MYO1B: variants seen among roughly 807,000 people sequenced by gnomAD.
The protein encoded by MYO1B is myosin IB, also known as unconventional myosin-Ib.
A neutral mutation model predicts 159.7 loss-of-function variants in MYO1B; 72 were observed. That is an observed-to-expected ratio of 0.45 (90% CI 0.37 to 0.55). The LOEUF is 0.55. Among genes scored for constraint, MYO1B ranks in the 20% least tolerant of loss-of-function variants. The probability of loss-of-function intolerance (pLI) is 0.00; values close to 1 mark genes in which losing one functional copy is unlikely to be tolerated. For synonymous variants in MYO1B, 468 were observed against 473.8 expected, an observed-to-expected ratio of 0.99 and a Z score of 0.16; for missense variants, 1,062 against 1,364.8, an observed-to-expected ratio of 0.78 and a Z score of 3.50.
At chr2:191,403,544 A>G (rs1314169881) in intron 24 of MYO1B, among the ~76,000 whole-genome samples, 1 of 152,108 alleles carries the variant, frequency 6.6e-6, no homozygotes, top group Non-Finnish European at 1.5e-5. Context: ...TTTTACTTTA[A>G]TCCTATGACA....
intron 3 of MYO1B, among the ~76,000 whole-genome samples, chr2:191,304,172 C>T (rs1019440217): frequency 9.9e-5 from 15 of 152,190 alleles, no homozygotes; most frequent in African/African-American, 2.4e-4. Flanking sequence ...CATCTCTGGG[C>T]GTCGCACCTA....
rs140008875 is a variant in MYO1B at position 191,377,964 on chromosome 2, T to G, written c.1186-3498T>G. On this transcript the variant is annotated intron_variant, in intron 13 of 30. Transcript: ENST00000392318. ...ATTTCTGTGGGGAAGTAAGTTAATT[T>G]CTACATCGGTGATTGTGCTATTCTA... 2.6e-5 allele frequency: 4 copies of G among 152,318 alleles called. No individual in the cohort carries two copies. The East Asian group carries it at 7.7e-4, about 29-fold the overall frequency. 9.4% of individuals were successfully genotyped at this position (152,318 alleles called of 1,614,324 possible).
chr2:191,300,829 CT>C (rs930725887), intron 3 of MYO1B, among the ~76,000 whole-genome samples: 3 of 151,736 alleles, frequency 2.0e-5, no homozygotes, highest in African/African-American at 4.8e-5. Context: ...CATCCAGATA[CT>C]TTTGTAATTC....
At position 191,402,639 on chromosome 2, in the gene MYO1B, G is replaced by A; in HGVS notation, c.2477G>A (p.Arg826Lys). The stretch of plus-strand genomic sequence containing the variant: ...CTATCTAAAACATTCTAGGCTCGAA[G>A]GGAATTGAAACGCTTGAAGGAGGAG... The part of the protein sequence containing the change: ...WAYWLGSKAR[R>K]ELKRLKEEAR... Residue 826 changes from arginine (R) to lysine (K), a missense_variant, in exon 24 of 31, where the codon AGG becomes AAG. Physicochemically the swap from Arg to Lys is conservative, Grantham distance 26. Coordinates refer to ENST00000392318, the MANE Select transcript of MYO1B (RefSeq NM_001130158.3). 1.2e-6 allele frequency: 2 copies of A among 1,613,626 alleles called. No individual in the cohort carries two copies. The highest frequency in any genetic ancestry group is 1.7e-6 in the Non-Finnish European group (2 of 1,179,732).
At chr2:191,418,133 C>T (rs1299972166) in intron 30 of MYO1B, among the ~76,000 whole-genome samples, 1 of 152,210 alleles carries the variant, frequency 6.6e-6, no homozygotes, top group Non-Finnish European at 1.5e-5. Flanking sequence ...TCATAGGACT[C>T]TACATAGCAC....
chr2:191,353,134 A>C lies in MYO1B; in HGVS notation c.562+2909A>C, dbSNP rs201373295. Among the ~76,000 whole-genome samples the C allele has an allele frequency of 1.8e-4, 27 of 152,316 alleles. No individual in the cohort carries two copies. In the East Asian group the frequency reaches 4.8e-3, roughly 27 times the overall value. On this transcript the variant is annotated intron_variant, in intron 7 of 30. Coordinates refer to ENST00000392318, the MANE Select transcript of MYO1B (RefSeq NM_001130158.3). Reference sequence around the variant, plus strand: ...TTGAAAACTACATATCCCTGAGGTTAGTGTCATTAAGAGAGGTATTAAAAT... The same window carrying C: ...TTGAAAACTACATATCCCTGAGGTTCGTGTCATTAAGAGAGGTATTAAAAT...
chr2:191,275,720 T>C (rs191776546), intron 1 of MYO1B, among the ~76,000 whole-genome samples: 2 of 152,370 alleles, frequency 1.3e-5, no homozygotes, highest in East Asian at 3.9e-4. Context: ...GAAGTGTGAT[T>C]GAGTATCAGC....
At chr2:191,346,212 A>C (rs1447323383) in intron 5 of MYO1B, 24 bp from the exon 6 acceptor site, 1 of 1,527,592 alleles carries the variant, frequency 6.5e-7, no homozygotes, top group Admixed American at 2.0e-5. Context: ...TTTTTTAACC[A>C]TACATCTGTT....
intron 1 of MYO1B, among the ~76,000 whole-genome samples, chr2:191,272,732 TCTCTA>T (rs1466297139): frequency 6.6e-6 from 1 of 152,182 alleles, no homozygotes; most frequent in Non-Finnish European, 1.5e-5. Context: ...TTTTTCAAAT[TCTCTA>T]ATGCCACAGG....
chr2:191,374,106 C>T (rs1694550120), intron 13 of MYO1B, among the ~76,000 whole-genome samples: 1 of 152,108 alleles, frequency 6.6e-6, no homozygotes. Context: ...AGATGCCAGC[C>T]TATATTTTCC....
intron 30 of MYO1B, among the ~76,000 whole-genome samples, chr2:191,417,388 G>A (rs1170567305): frequency 6.6e-6 from 1 of 152,136 alleles, no homozygotes; most frequent in Admixed American, 6.5e-5. Flanking sequence ...TGGTTGGTGT[G>A]TTTCAGTTAA....
At chr2:191,306,590 G>A (rs565216058) in intron 3 of MYO1B, among the ~76,000 whole-genome samples, 12 of 152,226 alleles carry the variant, frequency 7.9e-5, no homozygotes, top group African/African-American at 2.6e-4. Context: ...TTGCAGTAAG[G>A]GACAAGGACA....
At chr2:191,361,048 A>G (rs990331414) in intron 8 of MYO1B, among the ~76,000 whole-genome samples, 1 of 152,152 alleles carries the variant, frequency 6.6e-6, no homozygotes, top group Non-Finnish European at 1.5e-5. Context: ...ATTTGCTTCT[A>G]CCACACCCCA....
chr2:191,358,874 A>G (rs909301892), intron 7 of MYO1B, among the ~76,000 whole-genome samples: 11 of 152,254 alleles, frequency 7.2e-5, no homozygotes, highest in African/African-American at 2.7e-4. Flanking sequence ...GTGGAAGGTC[A>G]TCACGTGTCC....
chr2:191,270,346 C>T (rs112940854), intron 1 of MYO1B, among the ~76,000 whole-genome samples: 2,051 of 152,202 alleles, frequency 0.013, 58 homozygotes, highest in African/African-American at 0.047. Context: ...CTATAGTGAA[C>T]ATGTATTACT....
intron 30 of MYO1B, among the ~76,000 whole-genome samples, chr2:191,423,288 TGTAACACAATG>T (rs1698057851): frequency 6.6e-6 from 1 of 152,214 alleles, no homozygotes; most frequent in African/African-American, 2.4e-5. Context: ...TGTAGGCAAT[TGTAACACAATG>T]GTAAATAGTT....
In MYO1B at chr2:191,411,097, A is replaced by G. The variant is rs1165610186; in HGVS notation, c.2798A>G (p.Gln933Arg). The G allele has an allele frequency of 6.2e-7, 1 of 1,611,798 alleles. No individual in the cohort carries two copies. The highest frequency in any genetic ancestry group is 8.5e-7 in the Non-Finnish European group (1 of 1,179,204). Residue 933 changes from glutamine (Q) to arginine (R), a missense_variant, in exon 27 of 31, where the codon CAG becomes CGG. Gln to Arg is a conservative substitution (Grantham distance 43). This residue lies in a region of MYO1B where 609 missense variants were observed against 744.4 expected (regional missense o/e 0.82). Transcript: ENST00000392318. ...AAATACAGGGACCAATTCACAGACC[A>G]GCAGAAACTTATTTATGAAGAGAAA... ...CKKYRDQFTD[Q>R]QKLIYEEKLE...
intron 2 of MYO1B, 100 bp downstream of exon 2, chr2:191,277,130 T>G: frequency 1.4e-6 from 2 of 1,407,716 alleles, no homozygotes; most frequent in South Asian, 2.6e-5. Flanking sequence ...TTTCTCTCTG[T>G]TTGAGTCCAG....
intron 20 of MYO1B, among the ~76,000 whole-genome samples, chr2:191,394,326 C>T (rs1451822497): frequency 1.3e-5 from 2 of 152,160 alleles, no homozygotes; most frequent in Non-Finnish European, 2.9e-5. Flanking sequence ...GCTGCAGATT[C>T]ATAATGCTCC....
Sources: allele counts gnomAD v4.1 joint callset (sites outside exome capture counted in the v4.1 genomes callset), GRCh38; gene constraint gnomAD v4.1.1; regional missense constraint gnomAD v4.1.1; transcripts MANE v1.5; gene names NCBI Gene and HGNC (gene_info 2026-07-23, HGNC 2026-07-21).